GC: variants seen among roughly 807,000 people sequenced by gnomAD.
The protein encoded by GC is vitamin D-binding protein.
GC carries 43 observed loss-of-function variants against 56.7 expected under a neutral mutation model. The ratio of observed to expected loss-of-function variants is 0.76; its 90% CI spans 0.59 to 0.98. The LOEUF (loss-of-function observed/expected upper bound fraction) is 0.98, where lower values mean the gene tolerates loss of function less well. Among genes scored for constraint, GC ranks in the 50% least tolerant of loss-of-function variants. The pLI is 0.00. For synonymous variants in GC, 216 were observed against 202.7 expected, an observed-to-expected ratio of 1.07 and a Z score of -0.56; for missense variants, 529 against 545.9, an observed-to-expected ratio of 0.97 and a Z score of 0.31.
chr4:71,768,081 C>G (rs1742214397), intron 3 of GC, among the ~76,000 whole-genome samples: 1 of 152,104 alleles, frequency 6.6e-6, no homozygotes, highest in South Asian at 2.1e-4. Context: ...CTAAATTACT[C>G]TATGACCCAG....
chr4:71,742,433 G>A (rs955379457), intron 12 of GC, among the ~76,000 whole-genome samples: 3 of 152,074 alleles, frequency 2.0e-5, no homozygotes, highest in Non-Finnish European at 4.4e-5. Context: ...TGTCTTCAAC[G>A]AGTTTATGCT....
At chr4:71,765,713 A>G (rs956517910) in intron 3 of GC, 70 bp from the exon 4 acceptor site, 11 of 913,562 alleles carry the variant, frequency 1.2e-5, no homozygotes, top group Middle Eastern at 3.3e-4. Context: ...TCCATTTAAT[A>G]TAATATCTTA....
At chr4:71,752,374 T>C (rs1465949862) in intron 11 of GC, 144 bp downstream of exon 11, 17 of 633,480 alleles carry the variant, frequency 2.7e-5, no homozygotes, top group Non-Finnish European at 4.3e-5. Flanking sequence ...CTTACTTTCA[T>C]TGCAAAGACA....
intron 1 of GC, among the ~76,000 whole-genome samples, chr4:71,791,978 C>T (rs1216797949): frequency 6.6e-6 from 1 of 152,144 alleles, no homozygotes; most frequent in African/African-American, 2.4e-5. Flanking sequence ...ATCCATGTCC[C>T]TGCAAAGGAT....
intron 1 of GC, among the ~76,000 whole-genome samples, chr4:71,781,020 T>C (rs1187077499): frequency 6.6e-6 from 1 of 152,062 alleles, no homozygotes; most frequent in African/African-American, 2.4e-5. Context: ...ATTTAAAAAA[T>C]GTGGCACATA....
intron 6 of GC, among the ~76,000 whole-genome samples, 166 bp downstream of exon 6, chr4:71,763,242 A>G (rs1052759161): frequency 6.6e-6 from 1 of 152,184 alleles, no homozygotes; most frequent in Non-Finnish European, 1.5e-5. Flanking sequence ...CATAATCTGT[A>G]TAGAGAAAAG....
At chr4:71,744,455 T>A (rs1430277731) in intron 12 of GC, among the ~76,000 whole-genome samples, 6 of 42,652 alleles carry the variant, frequency 1.4e-4, no homozygotes, top group African/African-American at 6.4e-4. Context: ...CGAGACTCCA[T>A]CTCAAAAAAA....
chr4:71,799,282 C>T (rs1743190985), intron 1 of GC, among the ~76,000 whole-genome samples: 1 of 152,212 alleles, frequency 6.6e-6, no homozygotes, highest in Admixed American at 6.5e-5. Context: ...CCTCCCAGCT[C>T]AGCGAGACAG....
chr4:71,763,562 T>C lies in GC; in HGVS notation c.607-60A>G, dbSNP rs62302165. On this transcript the variant is annotated intron_variant, in intron 5 of 12. Transcript: ENST00000273951. ...CAAGACTCATTGAATACTGTATAAATGGCAAAAATAGGGACTATTAATTTC... is the reference window on the plus strand; with the variant it reads ...CAAGACTCATTGAATACTGTATAAACGGCAAAAATAGGGACTATTAATTTC... 6.4e-3 allele frequency: 6,481 copies of C among 1,008,210 alleles called. 34 individuals carry two copies. Among genetic ancestry groups the C allele is most frequent in the Middle Eastern group, 0.026 (123 of 4,742 alleles). 62.5% of individuals were successfully genotyped at this position (1,008,210 alleles called of 1,614,324 possible). A position where few individuals can be genotyped will look rare whatever the true frequency, so the allele number is the denominator to read the frequency against.
At position 71,758,037 on chromosome 4, in the gene GC, C is replaced by T. The variant is rs746304661; in HGVS notation, c.831+5G>A. 1.2e-6 allele frequency: 2 copies of T among 1,611,938 alleles called. No individual in the cohort carries two copies. The highest frequency in any genetic ancestry group is 1.7e-6 in the Non-Finnish European group (2 of 1,178,790). On this transcript the variant is annotated splice_donor_5th_base_variant and intron_variant, in intron 7 of 12. Coordinates refer to ENST00000273951, the MANE Select transcript of GC (RefSeq NM_000583.4). ...TGGTGATAATGATAATAAAGCTTGT[C>T]TTACCTCTTTGGCCATGCAATCTTC... is the stretch of plus-strand genomic sequence containing the variant.
At position 71,794,612 on chromosome 4, in the gene GC, T is replaced by C. The variant is rs192064283; in HGVS notation, c.21+9314A>G. 3.0e-3 allele frequency among the ~76,000 whole-genome samples: 462 copies of C among 152,294 alleles called. 5 individuals carry two copies. Among genetic ancestry groups the C allele is most frequent in the Non-Finnish European group, 3.2e-3 (220 of 68,020 alleles). On this transcript the variant is annotated intron_variant, in intron 1 of 13. Transcript: ENST00000504199. ...TTGATTTTTTTAAAAAACCAGCTCC[T>C]GGATCCATTGATTTTTTGAAGGGTT...
intron 12 of GC, among the ~76,000 whole-genome samples, chr4:71,744,458 C>CAAAAAAA (rs35292398): frequency 6.0e-5 from 5 of 83,708 alleles, no homozygotes; most frequent in East Asian, 3.5e-4. Context: ...GACTCCATCT[C>CAAAAAAA]AAAAAAAAAA....
chr4:71,747,593 A>G (rs998483144), intron 11 of GC, among the ~76,000 whole-genome samples: 3 of 152,144 alleles, frequency 2.0e-5, no homozygotes, highest in Non-Finnish European at 4.4e-5. Context: ...AACAAGAAGG[A>G]TATTGTTGGC....
At chr4:71,754,604 G>A in intron 9 of GC, 96 bp from the exon 10 acceptor site, 1 of 723,146 alleles carries the variant, frequency 1.4e-6, no homozygotes, top group South Asian at 1.6e-5. Context: ...GTATCATTAA[G>A]CATTGGCAAC....
chr4:71,774,991 T>C (rs1390350440), intron 1 of GC, among the ~76,000 whole-genome samples: 1 of 151,060 alleles, frequency 6.6e-6, no homozygotes, highest in Non-Finnish European at 1.5e-5. Context: ...CTATCAGTCC[T>C]GGAAAAAAGT....
At chr4:71,765,343 A>G (rs1742119982) in intron 4 of GC, 89 bp downstream of exon 4, 1 of 992,844 alleles carries the variant, frequency 1.0e-6, no homozygotes, top group South Asian at 1.3e-5. Context: ...GTTGCTGTAG[A>G]AGAGGTGTTT....
chr4:71,797,046 CT>C (rs1467722499), intron 1 of GC, among the ~76,000 whole-genome samples: 1 of 152,190 alleles, frequency 6.6e-6, no homozygotes, highest in African/African-American at 2.4e-5. Context: ...CTGCCTGATC[CT>C]TCCTCTGGAA....
At chr4:71,776,932 G>A (rs945721060) in intron 1 of GC, among the ~76,000 whole-genome samples, 5 of 151,822 alleles carry the variant, frequency 3.3e-5, no homozygotes, top group African/African-American at 1.2e-4. Flanking sequence ...TATTGGATGT[G>A]TATCATTATT....
intron 1 of GC, among the ~76,000 whole-genome samples, chr4:71,771,594 G>C (rs983278164): frequency 6.6e-6 from 1 of 152,172 alleles, no homozygotes; most frequent in South Asian, 2.1e-4. Context: ...CCTGAATCCT[G>C]AATCTGATGT....
Sources: allele counts gnomAD v4.1 joint callset (sites outside exome capture counted in the v4.1 genomes callset), GRCh38; gene constraint gnomAD v4.1.1; transcripts MANE v1.5; gene names NCBI Gene and HGNC (gene_info 2026-07-23, HGNC 2026-07-21).